SLC8A1: variants seen among roughly 807,000 people sequenced by gnomAD.
SLC8A1 encodes sodium/calcium exchanger 1.
SLC8A1 carries 18 observed loss-of-function variants against 68.3 expected under a neutral mutation model. That is an observed-to-expected ratio of 0.26 (90% confidence interval 0.18 to 0.39). SLC8A1 has a LOEUF of 0.39. Ranked by LOEUF, SLC8A1 falls within the 10% of genes least tolerant of loss-of-function variation. The pLI is 1.00. For missense variants in SLC8A1, 985 were observed against 1,156.7 expected (o/e 0.85, Z 2.15); for synonymous variants, 475 against 415.5 (o/e 1.14, Z -1.74).
exon 8 of SLC8A1, chr2:40,101,032 T>C (rs1188955491): frequency 1.3e-5 from 2 of 152,178 alleles, no homozygotes; most frequent in East Asian, 1.9e-4. Flanking sequence ...ACAAATGTGA[T>C]ATTTTCAGGT....
At position 40,449,479 on chromosome 2, in the gene SLC8A1, G is replaced by A. The variant is rs1165672698; in HGVS notation, c.-25+2425C>T. 3.3e-5 allele frequency among the ~76,000 whole-genome samples: 5 copies of A among 152,128 alleles called. No individual in the cohort carries two copies. In the East Asian group the frequency reaches 9.6e-4, roughly 29 times the overall value. ...ATATATTTTATTTTTTCAAAACACA[G>A]AAAGCTTAACAGAGCAATTAACATA... On this transcript the variant is annotated intron_variant, in intron 1 of 7. Transcript: ENST00000406785.
chr2:40,370,744 T>G (rs1054232225), intron 2 of SLC8A1, among the ~76,000 whole-genome samples: 1 of 152,104 alleles, frequency 6.6e-6, no homozygotes, highest in Non-Finnish European at 1.5e-5. Context: ...CCAACTCCAG[T>G]ATTTTACAAT....
At chr2:40,325,507 T>C (rs542866740) in intron 2 of SLC8A1, among the ~76,000 whole-genome samples, 41 of 152,158 alleles carry the variant, frequency 2.7e-4, no homozygotes, top group Non-Finnish European at 4.6e-4. Context: ...ATAAGAAGGC[T>C]GCACCTTTTC....
At chr2:40,422,934 C>T (rs1027566869) in intron 2 of SLC8A1, among the ~76,000 whole-genome samples, 13 of 152,176 alleles carry the variant, frequency 8.5e-5, no homozygotes, top group African/African-American at 3.1e-4. Flanking sequence ...TCTGCAAGGT[C>T]ACTTACTTCA....
chr2:40,373,623 T>C (rs894927622), intron 2 of SLC8A1, among the ~76,000 whole-genome samples: 1 of 152,078 alleles, frequency 6.6e-6, no homozygotes, highest in African/African-American at 2.4e-5. Context: ...TACTAATTTA[T>C]CTAATTTACA....
intron 2 of SLC8A1, among the ~76,000 whole-genome samples, chr2:40,298,698 C>T (rs1288731155): frequency 2.6e-5 from 4 of 152,104 alleles, no homozygotes; most frequent in African/African-American, 9.7e-5. Context: ...AAAATGGTAA[C>T]ATACGTGCTG....
At chr2:40,151,956 AT>A in intron 6 of SLC8A1, among the ~76,000 whole-genome samples, 1 of 152,312 alleles carries the variant, frequency 6.6e-6, no homozygotes, top group African/African-American at 2.4e-5. Context: ...GAACTTTAAG[AT>A]TTACTTTGTG....
chr2:40,247,948 G>A (rs2062118055), intron 2 of SLC8A1, among the ~76,000 whole-genome samples: 1 of 152,194 alleles, frequency 6.6e-6, no homozygotes, highest in South Asian at 2.1e-4. Flanking sequence ...TCAATGCTCA[G>A]TAAAGTGGCA....
intron 2 of SLC8A1, chr2:40,255,000 CTATTTCTT>C (rs1277401687): frequency 6.6e-6 from 1 of 152,208 alleles, no homozygotes; most frequent in East Asian, 1.9e-4. Context: ...ATTTATTTCT[CTATTTCTT>C]CATTTCTTCC....
intron 2 of SLC8A1, among the ~76,000 whole-genome samples, chr2:40,416,553 A>G (rs1693950428): frequency 6.6e-6 from 1 of 152,162 alleles, no homozygotes; most frequent in African/African-American, 2.4e-5. Flanking sequence ...CTCTTAGGAC[A>G]GCAAACATTT....
intron 2 of SLC8A1, chr2:40,177,931 A>G: frequency 1.1e-6 from 1 of 940,380 alleles, no homozygotes; most frequent in Non-Finnish European, 1.7e-6. Context: ...ACCAAGCTGA[A>G]TGTTACTGTG....
chr2:40,137,855 A>G (rs2040813692), intron 7 of SLC8A1, among the ~76,000 whole-genome samples: 2 of 152,120 alleles, frequency 1.3e-5, no homozygotes, highest in South Asian at 2.1e-4. Context: ...ATTGGTTACC[A>G]GAAGCATGTG....
intron 2 of SLC8A1, among the ~76,000 whole-genome samples, chr2:40,264,617 G>T (rs1327133227): frequency 6.6e-6 from 1 of 152,034 alleles, no homozygotes; most frequent in Admixed American, 6.6e-5. Context: ...ACCAAACACC[G>T]CGTGTTCTCA....
At chr2:40,252,373 C>T (rs535171792) in intron 2 of SLC8A1, among the ~76,000 whole-genome samples, 2 of 152,198 alleles carry the variant, frequency 1.3e-5, no homozygotes, top group African/African-American at 2.4e-5. Flanking sequence ...TGCTCTGTCA[C>T]CCAGGCTGGA....
chr2:40,274,416 G>A lies in SLC8A1; in HGVS notation c.1809-96561C>T, dbSNP rs549020365. 3.0e-4 allele frequency among the ~76,000 whole-genome samples: 46 copies of A among 152,196 alleles called. No individual in the cohort carries two copies. In the South Asian group the frequency reaches 9.1e-3, roughly 30 times the overall value. ...GGAAGTTGTGCTCTAAAATTTTCCA[G>A]CAGTATCAGATGAAAAGCCATGGAA... On this transcript the variant is annotated intron_variant, in intron 2 of 7. Transcript: ENST00000406785.
At chr2:40,306,193 T>G (rs1390111092) in intron 2 of SLC8A1, among the ~76,000 whole-genome samples, 2 of 152,198 alleles carry the variant, frequency 1.3e-5, no homozygotes, top group Non-Finnish European at 2.9e-5. Context: ...GCATCCACAT[T>G]TATGAAATGG....
chr2:40,450,376 G>A (rs1402584603), intron 1 of SLC8A1, among the ~76,000 whole-genome samples: 1 of 151,646 alleles, frequency 6.6e-6, no homozygotes, highest in Non-Finnish European at 1.5e-5. Context: ...GTGTGCACGC[G>A]CGCGCGCTGG....
intron 6 of SLC8A1, among the ~76,000 whole-genome samples, chr2:40,152,906 G>A (rs116801019): frequency 0.018 from 2,676 of 150,872 alleles, 94 homozygotes; most frequent in African/African-American, 0.062. Context: ...AGGGTACAGT[G>A]AGCTATGACA....
intron 1 of SLC8A1, among the ~76,000 whole-genome samples, chr2:40,466,701 T>C (rs1703694975): frequency 6.6e-6 from 1 of 152,144 alleles, no homozygotes; most frequent in African/African-American, 2.4e-5. Flanking sequence ...CCCAGGCCCA[T>C]GCTGTGCATA....
Sources: gnomAD v4.1 joint callset for allele counts (sites outside exome capture counted in the v4.1 genomes callset) on GRCh38, gnomAD v4.1.1 for gene constraint, MANE v1.5 for transcripts, NCBI Gene and HGNC (gene_info 2026-07-23, HGNC 2026-07-21) for gene names.